The following LRP1B variants were observed in gnomAD, a reference collection of about 807,000 sequenced individuals.
LRP1B encodes the protein LDL receptor related protein 1B.
In LRP1B, 217 loss-of-function variants were observed where a neutral mutation model predicts 556.6. That is an observed-to-expected ratio of 0.39 (90% CI 0.35 to 0.44). The LOEUF (loss-of-function observed/expected upper bound fraction) is 0.44, where lower values mean the gene tolerates loss of function less well. Ranked by LOEUF, LRP1B falls within the 20% of genes least tolerant of loss-of-function variation. The probability of loss-of-function intolerance (pLI) is 1.00; values close to 1 mark genes in which losing one functional copy is unlikely to be tolerated. For synonymous variants in LRP1B, 2,047 were observed against 1,865.8 expected, an observed-to-expected ratio of 1.10 and a Z score of -2.50; for missense variants, 5,053 against 5,620.8, an observed-to-expected ratio of 0.90 and a Z score of 3.23.
intron 35 of LRP1B, among the ~76,000 whole-genome samples, chr2:140,766,327 G>C (rs1180974943): frequency 6.6e-6 from 1 of 151,938 alleles, no homozygotes; most frequent in African/African-American, 2.4e-5. Context: ...AGAAGTAACA[G>C]AGCTTGTATA....
intron 32 of LRP1B, among the ~76,000 whole-genome samples, chr2:140,803,290 T>TTTTTTTTTTTTTC (rs869303438): frequency 4.6e-4 from 53 of 115,244 alleles, no homozygotes; most frequent in African/African-American, 1.8e-3. Context: ...TTTTTTTTTT[T>TTTTTTTTTTTTTC]CCGAGATGGA....
chr2:141,436,499 A>T (rs1680770843), intron 3 of LRP1B, among the ~76,000 whole-genome samples: 1 of 152,178 alleles, frequency 6.6e-6, no homozygotes, highest in Non-Finnish European at 1.5e-5. Context: ...CTATTTGCTT[A>T]ATGTCCTTAG....
chr2:141,910,140 CAAAAAA>C (rs3039375), intron 1 of LRP1B, among the ~76,000 whole-genome samples: 2 of 131,738 alleles, frequency 1.5e-5, no homozygotes, highest in Non-Finnish European at 3.2e-5. Flanking sequence ...GACTCCATCT[CAAAAAA>C]AAAAAAAAAA....
intron 3 of LRP1B, among the ~76,000 whole-genome samples, chr2:141,426,994 T>C (rs1351764393): frequency 6.6e-6 from 1 of 152,170 alleles, no homozygotes; most frequent in Non-Finnish European, 1.5e-5. Context: ...TCATCTACAT[T>C]AGGTATTTCT....
rs1168356384 is a variant in LRP1B, at chr2:141,464,600, A to AT, written c.343+15795dup. Among the ~76,000 whole-genome samples the AT allele has an allele frequency of 3.1e-3, 240 of 76,266 alleles. 6 individuals carry two copies. Among genetic ancestry groups the AT allele is most frequent in the Admixed American group, 0.012 (88 of 7,620 alleles). 50.0% of individuals were successfully genotyped at this position (76,266 alleles called of 152,430 possible). On this transcript the variant is annotated intron_variant, in intron 3 of 90. Transcript: ENST00000389484. Reference sequence around the variant, plus strand: ...GCTAATTTTGTATATATATATATATATATATATTTTTTTAGTAGAGATGGG... The same window carrying AT: ...GCTAATTTTGTATATATATATATATATTATATATTTTTTTAGTAGAGATGGG...
At chr2:141,515,792 TAAC>T (rs1684293963) in intron 2 of LRP1B, among the ~76,000 whole-genome samples, 1 of 152,150 alleles carries the variant, frequency 6.6e-6, no homozygotes, top group African/African-American at 2.4e-5. Flanking sequence ...TTATTATGGC[TAAC>T]TAAACAAATT....
At chr2:141,503,120 T>C (rs1683786630) in intron 2 of LRP1B, among the ~76,000 whole-genome samples, 1 of 148,744 alleles carries the variant, frequency 6.7e-6, no homozygotes, top group Non-Finnish European at 1.5e-5. Flanking sequence ...TGAGTTTACT[T>C]TATTAGGACT....
intron 1 of LRP1B, among the ~76,000 whole-genome samples, chr2:142,028,424 T>TTA (rs1243618284): frequency 6.6e-6 from 1 of 151,998 alleles, no homozygotes; most frequent in Admixed American, 6.6e-5. Flanking sequence ...ACAAATAGAA[T>TTA]TATACAGTAT....
chr2:142,034,968 T>C (rs563176976), intron 1 of LRP1B, among the ~76,000 whole-genome samples: 1 of 151,928 alleles, frequency 6.6e-6, no homozygotes, highest in East Asian at 1.9e-4. Flanking sequence ...ATTTGATATT[T>C]CTATGCAATT....
At chr2:141,450,418 G>T (rs1360117679) in intron 3 of LRP1B, among the ~76,000 whole-genome samples, 1 of 152,006 alleles carries the variant, frequency 6.6e-6, no homozygotes, top group Non-Finnish European at 1.5e-5. Flanking sequence ...ATAATAGTTT[G>T]GTATATGGAG....
intron 35 of LRP1B, among the ~76,000 whole-genome samples, chr2:140,728,324 T>C (rs1479837919): frequency 2.0e-5 from 3 of 152,210 alleles, no homozygotes; most frequent in Non-Finnish European, 4.4e-5. Context: ...TGGCTAATTT[T>C]GACTTTCAGG....
intron 56 of LRP1B, among the ~76,000 whole-genome samples, chr2:140,493,085 T>G (rs1312199522): frequency 6.6e-6 from 1 of 152,162 alleles, no homozygotes; most frequent in Non-Finnish European, 1.5e-5. Flanking sequence ...AATTTTTTTC[T>G]GGATAATCAA....
At chr2:141,579,724 C>T (rs202001125) in intron 2 of LRP1B, among the ~76,000 whole-genome samples, 94 of 100,924 alleles carry the variant, frequency 9.3e-4, no homozygotes, top group East Asian at 2.0e-3. Context: ...TCAGGTTTCA[C>T]TTTTTTTTTT....
intron 14 of LRP1B, among the ~76,000 whole-genome samples, chr2:141,011,071 C>CAGAGAGAGAGAGAGAGAGAG (rs143409764): frequency 7.0e-6 from 1 of 142,792 alleles, no homozygotes; most frequent in African/African-American, 2.6e-5. Context: ...TGTATTCTCT[C>CAGAGAGAGAGAGAGAGAGAG]AGAGAGAGAG....
chr2:140,915,353 A>T lies in LRP1B; in HGVS notation c.3320-7276T>A, dbSNP rs147488207. ...CAAGGATTAGGAGGCCACAGGATCA[A>T]TATCTAAAGAAGGGTTTGGGGGCGC... On this transcript the variant is annotated intron_variant, in intron 21 of 90. Transcript: ENST00000389484. Among the ~76,000 whole-genome samples the T allele has an allele frequency of 2.7e-3, 407 of 152,202 alleles. 1 individual carries two copies. The highest frequency in any genetic ancestry group is 9.6e-3 in the African/African-American group (399 of 41,540).
intron 2 of LRP1B, among the ~76,000 whole-genome samples, chr2:141,767,649 G>T (rs1401483693): frequency 6.6e-6 from 1 of 152,110 alleles, no homozygotes; most frequent in Non-Finnish European, 1.5e-5. Flanking sequence ...CTGAGATTCT[G>T]AGAATGGTCT....
At chr2:141,136,526 C>G (rs1574111902) in intron 7 of LRP1B, among the ~76,000 whole-genome samples, 1 of 149,848 alleles carries the variant, frequency 6.7e-6, no homozygotes, top group Admixed American at 6.7e-5. Flanking sequence ...TCCTTTCCTG[C>G]TTTAATATCT....
At chr2:140,437,597 G>A (rs1686241325) in intron 66 of LRP1B, among the ~76,000 whole-genome samples, 1 of 152,140 alleles carries the variant, frequency 6.6e-6, no homozygotes, top group South Asian at 2.1e-4. Flanking sequence ...TATCTTTACT[G>A]TATATAAAAG....
At chr2:141,150,295 A>G (rs988197864) in intron 7 of LRP1B, among the ~76,000 whole-genome samples, 5 of 152,346 alleles carry the variant, frequency 3.3e-5, no homozygotes, top group South Asian at 2.1e-4. Context: ...TACATTGTTT[A>G]TTCTGATCTG....
Sources: gnomAD v4.1 joint callset for allele counts (sites outside exome capture counted in the v4.1 genomes callset) on GRCh38, gnomAD v4.1.1 for gene constraint, MANE v1.5 for transcripts, NCBI Gene and HGNC (gene_info 2026-07-23, HGNC 2026-07-21) for gene names.